The following DAB1 variants were observed in gnomAD, a reference collection of about 807,000 sequenced individuals.
The protein encoded by DAB1 is disabled homolog 1.
In DAB1, 15 loss-of-function variants were observed where a neutral mutation model predicts 64.6. The ratio of observed to expected loss-of-function variants is 0.23; its 90% confidence interval spans 0.16 to 0.36. The LOEUF (loss-of-function observed/expected upper bound fraction) is 0.36. Among genes scored for constraint, DAB1 ranks in the 10% least tolerant of loss-of-function variants. The pLI, the probability that DAB1 is intolerant of heterozygous loss-of-function variation, is 1.00. For missense variants in DAB1, 596 were observed against 706.7 expected (o/e 0.84, Z 1.78); for synonymous variants, 235 against 251.9 (o/e 0.93, Z 0.64).
At chr1:57,769,991 G>C (rs1025015174) in intron 6 of DAB1, among the ~76,000 whole-genome samples, 1 of 152,118 alleles carries the variant, frequency 6.6e-6, no homozygotes, top group African/African-American at 2.4e-5. Flanking sequence ...AGTCAGGTCT[G>C]ATTTCCCCAG....
intron 1 of DAB1, among the ~76,000 whole-genome samples, chr1:57,353,960 AC>A (rs1249326094): frequency 6.6e-6 from 1 of 152,200 alleles, no homozygotes; most frequent in Non-Finnish European, 1.5e-5. Context: ...AATTGTTTTT[AC>A]TGCAGTTAAT....
intron 5 of DAB1, among the ~76,000 whole-genome samples, chr1:58,115,773 G>A (rs1404708156): frequency 9.0e-6 from 1 of 110,970 alleles, no homozygotes; most frequent in Non-Finnish European, 1.8e-5. Context: ...TCACTCATAG[G>A]TGGGAATTGA....
intron 2 of DAB1, among the ~76,000 whole-genome samples, chr1:57,231,317 AAT>A (rs1383200173): frequency 1.3e-5 from 2 of 152,154 alleles, no homozygotes; most frequent in African/African-American, 4.8e-5. Flanking sequence ...ATCCATAGTT[AAT>A]ACATTTATAT....
intron 4 of DAB1, among the ~76,000 whole-genome samples, chr1:57,116,933 C>A (rs1656190076): frequency 6.6e-6 from 1 of 152,088 alleles, no homozygotes; most frequent in African/African-American, 2.4e-5. Flanking sequence ...TAGCATTTAT[C>A]CTGAATAGAG....
chr1:57,080,719 G>A (rs1282599584), intron 4 of DAB1, among the ~76,000 whole-genome samples: 1 of 151,292 alleles, frequency 6.6e-6, no homozygotes, highest in Non-Finnish European at 1.5e-5. Context: ...AGCATATTTT[G>A]TTAAAGAGAA....
At chr1:58,225,114 A>G (rs928017605) in intron 4 of DAB1, among the ~76,000 whole-genome samples, 2 of 151,742 alleles carry the variant, frequency 1.3e-5, no homozygotes, top group Admixed American at 6.6e-5. Flanking sequence ...CAAATTTACA[A>G]GAAAAAAACA....
At chr1:57,658,566 G>C (rs1646346143) in intron 6 of DAB1, among the ~76,000 whole-genome samples, 1 of 150,738 alleles carries the variant, frequency 6.6e-6, no homozygotes, top group African/African-American at 2.4e-5. Flanking sequence ...GCCTCCCAAA[G>C]TTTCTTATTT....
intron 7 of DAB1, among the ~76,000 whole-genome samples, chr1:57,459,996 A>T (rs1686728654): frequency 6.6e-6 from 1 of 152,128 alleles, no homozygotes. Context: ...TACCCACCTT[A>T]CAGTGGTGTT....
intron 1 of DAB1, among the ~76,000 whole-genome samples, chr1:57,402,421 G>A (rs1201761452): frequency 6.6e-6 from 1 of 152,194 alleles, no homozygotes; most frequent in South Asian, 2.1e-4. Context: ...GATGTGATAT[G>A]TTACAGTCAC....
At chr1:57,732,387 G>T (rs910907765) in intron 6 of DAB1, among the ~76,000 whole-genome samples, 2 of 152,190 alleles carry the variant, frequency 1.3e-5, no homozygotes, top group African/African-American at 4.8e-5. Context: ...AGGGAGAGAC[G>T]GCTAAGTGTC....
chr1:57,055,306 C>T (rs1048725384), intron 9 of DAB1, among the ~76,000 whole-genome samples: 2 of 152,120 alleles, frequency 1.3e-5, no homozygotes, highest in African/African-American at 4.8e-5. Flanking sequence ...CATAGCATGA[C>T]CTTGAGAACA....
intron 2 of DAB1, among the ~76,000 whole-genome samples, chr1:57,164,194 T>A (rs898069647): frequency 1.4e-4 from 21 of 152,170 alleles, no homozygotes; most frequent in Admixed American, 7.9e-4. Context: ...TCAGTTTAAA[T>A]TTAGTGCCAA....
chr1:58,148,783 C>T (rs571289336), intron 5 of DAB1, among the ~76,000 whole-genome samples: 7 of 152,146 alleles, frequency 4.6e-5, no homozygotes, highest in East Asian at 1.9e-4. Flanking sequence ...ACACCCCCCC[C>T]CCAACCTCAT....
intron 4 of DAB1, among the ~76,000 whole-genome samples, chr1:58,307,760 G>A (rs543422925): frequency 2.0e-5 from 3 of 151,998 alleles, no homozygotes; most frequent in African/African-American, 7.2e-5. Flanking sequence ...TGAAGTGAGT[G>A]CTGTGGGGAG....
intron 2 of DAB1, among the ~76,000 whole-genome samples, chr1:57,189,899 A>G (rs1663969762): frequency 6.6e-6 from 1 of 151,934 alleles, no homozygotes; most frequent in East Asian, 1.9e-4. Context: ...TCATGGCCCA[A>G]GAGCTCCTGC....
At position 57,755,195 on chromosome 1, in the gene DAB1, G is replaced by T. The variant is rs193195568; in HGVS notation, n.552-105530C>A. Among the ~76,000 whole-genome samples, 62 of 151,986 alleles carry T rather than the reference G, an allele frequency of 4.1e-4. No individual in the cohort carries two copies. In the East Asian group the frequency reaches 0.012, roughly 29 times the overall value. On this transcript the variant is annotated intron_variant and non_coding_transcript_variant, in intron 6 of 20. Coordinates refer to the DAB1 transcript ENST00000485760. The stretch of plus-strand genomic sequence containing the variant: ...CGTTTCCTGTTGCACCTGAATTTTA[G>T]GCCCAGTTTGTCAATTTGTCTAAAA...
At chr1:58,150,980 G>A (rs1654898628) in intron 4 of DAB1, among the ~76,000 whole-genome samples, 1 of 152,046 alleles carries the variant, frequency 6.6e-6, no homozygotes, top group Non-Finnish European at 1.5e-5. Flanking sequence ...GCTGAGAATG[G>A]TGGTATCCAG....
chr1:57,086,644 A>AACACACACACACACAC (rs368060919), intron 4 of DAB1, among the ~76,000 whole-genome samples: 31 of 118,608 alleles, frequency 2.6e-4, no homozygotes, highest in African/African-American at 9.2e-4. Flanking sequence ...TTCTGTCTTA[A>AACACACACACACACAC]ACACACACAC....
intron 1 of DAB1, among the ~76,000 whole-genome samples, chr1:57,331,250 G>A (rs1056242060): frequency 2.6e-5 from 4 of 152,178 alleles, no homozygotes; most frequent in Non-Finnish European, 4.4e-5. Flanking sequence ...CAATTGGTGT[G>A]CACTTACCAT....
Sources: gnomAD v4.1 joint callset for allele counts (sites outside exome capture counted in the v4.1 genomes callset) on GRCh38, gnomAD v4.1.1 for gene constraint, MANE v1.5 for transcripts, NCBI Gene and HGNC (gene_info 2026-07-23, HGNC 2026-07-21) for gene names.